Variants in CXCL13 observed in about 807,000 individuals in gnomAD.
CXCL13 encodes C-X-C motif chemokine ligand 13.
Under a neutral mutation model 12.2 loss-of-function variants are expected in CXCL13, and 7 were observed. The observed-to-expected ratio is 0.57, with a 90% CI of 0.33 to 1.07. The LOEUF is 1.07. Among genes scored for constraint, CXCL13 ranks in the 50% least tolerant of loss-of-function variants. The probability of loss-of-function intolerance (pLI) is 0.04; values close to 1 mark genes in which losing one functional copy is unlikely to be tolerated. For missense variants in CXCL13, 113 were observed against 127.4 expected (o/e 0.89, Z 0.55); for synonymous variants, 47 against 42.4 (o/e 1.11, Z -0.42).
chr4:77,536,692 A>C (rs911622785), intron 1 of CXCL13, among the ~76,000 whole-genome samples: 7 of 152,204 alleles, frequency 4.6e-5, no homozygotes, highest in Non-Finnish European at 1.0e-4. Flanking sequence ...CAAGGTGCAA[A>C]GTGTGGCAAA....
intron 1 of CXCL13, among the ~76,000 whole-genome samples, chr4:77,542,102 C>G (rs558554788): frequency 6.6e-6 from 1 of 152,064 alleles, no homozygotes; most frequent in South Asian, 2.1e-4. Flanking sequence ...GCTCCAGGAG[C>G]CTTTTGAAGG....
intron 1 of CXCL13, among the ~76,000 whole-genome samples, chr4:77,596,621 C>A (rs1335831006): frequency 6.6e-6 from 1 of 151,820 alleles, no homozygotes; most frequent in Non-Finnish European, 1.5e-5. Context: ...CCCATCTCTA[C>A]TAAAAATACA....
chr4:77,579,105 T>C (rs1726257272), intron 1 of CXCL13, among the ~76,000 whole-genome samples: 1 of 152,248 alleles, frequency 6.6e-6, no homozygotes. Flanking sequence ...CCATAGGGCC[T>C]TGAGTGCCTG....
chr4:77,608,454 A>G (rs1475397355), intron 2 of CXCL13, among the ~76,000 whole-genome samples: 1 of 150,986 alleles, frequency 6.6e-6, no homozygotes, highest in Non-Finnish European at 1.5e-5. Flanking sequence ...AAAAAAAAAA[A>G]GAAAGAAAGA....
chr4:77,605,908 A>G lies in CXCL13; in HGVS notation c.43A>G (p.Ser15Gly). 1 of 1,607,162 alleles carries G rather than the reference A, an allele frequency of 6.2e-7. No individual in the cohort carries two copies. Among genetic ancestry groups the G allele is most frequent in the Non-Finnish European group, 8.5e-7 (1 of 1,175,488 alleles). ...STSLLLMLLV[S>G]SLSPVQGVLE... ...ATCTCTGCTTCTCATGCTGCTGGTC[A>G]GCAGCCTCTCTCCAGTCCAAGGTGA... The change falls in exon 1 of 4, where the codon AGC (serine) becomes GGC (glycine). Residue 15 changes from serine (S) to glycine (G), a missense_variant. Physicochemically the swap from Ser to Gly is moderately conservative, Grantham distance 56. Coordinates refer to ENST00000682537, the MANE Select transcript of CXCL13 (RefSeq NM_001371558.1).
intron 1 of CXCL13, among the ~76,000 whole-genome samples, chr4:77,552,846 A>G (rs1321932880): frequency 6.6e-6 from 1 of 152,208 alleles, no homozygotes; most frequent in Non-Finnish European, 1.5e-5. Context: ...GTCCCACTGC[A>G]CCATAATCTA....
intron 1 of CXCL13, among the ~76,000 whole-genome samples, chr4:77,530,993 T>G (rs1030077944): frequency 6.6e-6 from 1 of 152,004 alleles, no homozygotes; most frequent in African/African-American, 2.4e-5. Context: ...CTCGTTGGTT[T>G]CAAAGAACAT....
chr4:77,537,649 A>G (rs1290814534), intron 1 of CXCL13, among the ~76,000 whole-genome samples: 1 of 152,166 alleles, frequency 6.6e-6, no homozygotes, highest in South Asian at 2.1e-4. Flanking sequence ...TGTAATGGAT[A>G]GCAATTTTGT....
At chr4:77,587,194 C>A (rs1472964844) in intron 1 of CXCL13, among the ~76,000 whole-genome samples, 1 of 152,178 alleles carries the variant, frequency 6.6e-6, no homozygotes, top group Non-Finnish European at 1.5e-5. Context: ...CTTGCCGAAC[C>A]AGTCAAAACA....
At chr4:77,513,545 G>A (rs1353130752) in intron 1 of CXCL13, among the ~76,000 whole-genome samples, 1 of 151,760 alleles carries the variant, frequency 6.6e-6, no homozygotes, top group Non-Finnish European at 1.5e-5. Flanking sequence ...TCCGCCTCCT[G>A]GGTTCACAGG....
At position 77,611,537 on chromosome 4, in the gene CXCL13, C is replaced by T. The variant is rs759711894; in HGVS notation, c.*498C>T. 5 of 396,310 alleles carry T rather than the reference C, an allele frequency of 1.3e-5. No homozygotes were observed. Among genetic ancestry groups the T allele is most frequent in the South Asian group, 1.4e-4 (1 of 7,006 alleles). The allele number at this position is 396,310 out of a possible 1,614,324, so 24.5% of individuals were successfully genotyped here. ...GTAGTAGATATCCTCTGCTTAAAAACTCACTACGGAGGAGAATTAAGTCCT... is the reference window on the plus strand; with the variant it reads ...GTAGTAGATATCCTCTGCTTAAAAATTCACTACGGAGGAGAATTAAGTCCT... On this transcript the variant is annotated 3_prime_UTR_variant, in exon 4 of 4. Coordinates refer to ENST00000682537, the MANE Select transcript of CXCL13 (RefSeq NM_001371558.1).
At chr4:77,529,741 T>A (rs1449412334) in intron 1 of CXCL13, among the ~76,000 whole-genome samples, 3 of 152,204 alleles carry the variant, frequency 2.0e-5, no homozygotes, top group African/African-American at 7.2e-5. Flanking sequence ...TGTGACTTCC[T>A]CTTTTCCTAA....
At chr4:77,601,828 G>T (rs537540264), upstream of CXCL13, among the ~76,000 whole-genome samples, 8 of 152,162 alleles carry the variant, frequency 5.3e-5, no homozygotes, top group Non-Finnish European at 1.2e-4. Flanking sequence ...TACTGATACT[G>T]GTGGCCTGGG....
chr4:77,513,480 C>A (rs1185629981), intron 1 of CXCL13, among the ~76,000 whole-genome samples: 1 of 150,374 alleles, frequency 6.7e-6, no homozygotes, highest in Admixed American at 6.6e-5. Flanking sequence ...GAGACGGAGT[C>A]TCACTCTATT....
chr4:77,515,218 T>G (rs900560630), intron 1 of CXCL13, among the ~76,000 whole-genome samples: 5 of 152,224 alleles, frequency 3.3e-5, no homozygotes, highest in African/African-American at 1.2e-4. Flanking sequence ...AGCCTTGTAG[T>G]ATAGTTTGAA....
intron 1 of CXCL13, among the ~76,000 whole-genome samples, chr4:77,587,812 G>A (rs906642480): frequency 1.1e-4 from 17 of 152,224 alleles, no homozygotes; most frequent in Non-Finnish European, 1.2e-4. Flanking sequence ...GATAACGAGC[G>A]TGAAACTGTC....
At position 77,605,948 on chromosome 4, in the gene CXCL13, A is replaced by G. The variant is rs757369386; in HGVS notation, c.64+19A>G. 1 of 1,557,302 alleles carries G rather than the reference A, an allele frequency of 6.4e-7. No individual in the cohort carries two copies. The highest frequency in any genetic ancestry group is 1.2e-5 in the South Asian group (1 of 86,230). ...GTCCAAGGTGAGAAATTTCATTTACATTTCACTGTTTGTTGAACAGAAATA... is the reference window on the plus strand; with the variant it reads ...GTCCAAGGTGAGAAATTTCATTTACGTTTCACTGTTTGTTGAACAGAAATA... On this transcript the variant is annotated intron_variant, in intron 1 of 3. Coordinates refer to ENST00000682537, the MANE Select transcript of CXCL13 (RefSeq NM_001371558.1).
upstream of CXCL13, among the ~76,000 whole-genome samples, chr4:77,602,984 A>G (rs1185868605): frequency 6.6e-6 from 1 of 152,200 alleles, no homozygotes; most frequent in Non-Finnish European, 1.5e-5. Context: ...AGCTAAATCC[A>G]GAGCTCTGGG....
chr4:77,611,200 C>T lies in CXCL13; in HGVS notation c.*161C>T, dbSNP rs1203239902. 3.3e-6 allele frequency: 2 copies of T among 605,798 alleles called. No individual in the cohort carries two copies. Among genetic ancestry groups the T allele is most frequent in the Non-Finnish European group, 5.8e-6 (2 of 344,764 alleles). The allele number at this position is 605,798 out of a possible 1,614,324, so 37.5% of individuals were successfully genotyped here. On this transcript the variant is annotated 3_prime_UTR_variant, in exon 4 of 4. Coordinates refer to ENST00000682537, the MANE Select transcript of CXCL13 (RefSeq NM_001371558.1). Reference sequence around the variant, plus strand: ...CTTGCAGAAGCTGATGGGGCAAACTCAAGCTTCTTCACTCACAGCACCCTA... The same window carrying T: ...CTTGCAGAAGCTGATGGGGCAAACTTAAGCTTCTTCACTCACAGCACCCTA...
Sources: allele counts gnomAD v4.1 joint callset (sites outside exome capture counted in the v4.1 genomes callset), GRCh38; gene constraint gnomAD v4.1.1; transcripts MANE v1.5; gene names NCBI Gene and HGNC (gene_info 2026-07-23, HGNC 2026-07-21).